Variants in ABHD1 observed in about 807,000 individuals in gnomAD.
The protein encoded by ABHD1 is abhydrolase domain containing 1, also known as protein ABHD1.
In ABHD1, 47 loss-of-function variants were observed where a neutral mutation model predicts 41.4. The ratio of observed to expected loss-of-function variants is 1.13; its 90% CI spans 0.90 to 1.45. The LOEUF is 1.45. ABHD1 is among the 40% of genes most tolerant of loss of function. ABHD1 has a pLI of 0.00. For missense variants in ABHD1, 550 were observed against 503.4 expected (o/e 1.09, Z -0.89); for synonymous variants, 205 against 203.7 (o/e 1.01, Z -0.05).
chr2:27,124,351 C>T (rs1239997064), intron 1 of ABHD1: 3 of 477,790 alleles, frequency 6.3e-6, no homozygotes, highest in East Asian at 5.0e-5. Flanking sequence ...GATGTGCACA[C>T]TTTGCGTTCC....
intron 1 of ABHD1, chr2:27,124,729 G>A (rs141034899): frequency 1.8e-5 from 3 of 171,122 alleles, no homozygotes; most frequent in East Asian, 1.8e-4. Flanking sequence ...AGGTAGCTGA[G>A]TCTAACAAGA....
At chr2:27,128,659 T>A in intron 2 of ABHD1, 58 bp downstream of exon 2, 1 of 1,595,094 alleles carries the variant, frequency 6.3e-7, no homozygotes, top group Non-Finnish European at 8.6e-7. Context: ...GAAAAACCTA[T>A]CTACCACTTT....
At chr2:27,127,689 G>GT (rs1288126136) in intron 1 of ABHD1, among the ~76,000 whole-genome samples, 1 of 151,542 alleles carries the variant, frequency 6.6e-6, no homozygotes, top group African/African-American at 2.4e-5. Context: ...AGCCTCCCGA[G>GT]TAACTGAGAC....
chr2:27,124,971 TC>T (rs1369573333), intron 1 of ABHD1: 1 of 151,988 alleles, frequency 6.6e-6, no homozygotes, highest in Non-Finnish European at 1.5e-5. Context: ...AGAAACCCCA[TC>T]TCTACTAAAA....
chr2:27,129,080 G>T lies in ABHD1; in HGVS notation c.411G>T (p.Glu137Asp), dbSNP rs6715286. Reference protein sequence around the residue: ...LLPGITGSSQETYVLHLVNQA... With the variant: ...LLPGITGSSQDTYVLHLVNQA... ...CTGGCATCACTGGCAGTAGCCAGGA[G>T]ACATACGTCTTGCACCTAGTTAACC... Residue 137 changes from glutamate to aspartate, a missense_variant, in exon 3 of 9, where the codon GAG becomes GAT. Glu to Asp is a conservative substitution (Grantham distance 45). Coordinates refer to ENST00000316470, the MANE Select transcript of ABHD1 (RefSeq NM_032604.4). The T allele has an allele frequency of 2.9e-3, 4,745 of 1,613,978 alleles. 121 individuals are homozygous for T. The African/African-American group carries it at 0.054, about 19-fold the overall frequency.
intron 1 of ABHD1, among the ~76,000 whole-genome samples, chr2:27,128,024 C>A (rs566059790): frequency 1.3e-5 from 2 of 152,280 alleles, no homozygotes; most frequent in Admixed American, 1.3e-4. Flanking sequence ...TCATAGCTCA[C>A]TGCAGCCTTG....
intron 1 of ABHD1, chr2:27,126,945 CAAAA>C (rs35167727): frequency 2.2e-5 from 3 of 133,340 alleles, no homozygotes; most frequent in African/African-American, 2.9e-5. Flanking sequence ...ACTAAAAATA[CAAAA>C]AAAAAAAAAA....
chr2:27,129,728 TCATG>T (rs1672144997), intron 5 of ABHD1, 22 bp from the exon 6 acceptor site: 1 of 1,612,958 alleles, frequency 6.2e-7, no homozygotes, highest in Admixed American at 1.7e-5. Flanking sequence ...AACCCTTCTT[TCATG>T]GTCCCTTGTC....
In ABHD1 at chr2:27,129,097, T is replaced by C. The variant is rs1210980768; in HGVS notation, c.428T>C (p.Leu143Pro). 6.2e-7 allele frequency: 1 copy of C among 1,613,680 alleles called. No homozygotes were observed. The highest frequency in any genetic ancestry group is 1.3e-5 in the African/African-American group (1 of 75,050). ...AGCCAGGAGACATACGTCTTGCACC[T>C]AGTTAACCAAGCTCTGAGGGATGGC... ...GSSQETYVLH[L>P]VNQALRDGYQ... Residue 143 changes from leucine to proline, a missense_variant, in exon 3 of 9, where the codon CTA (leucine) becomes CCA (proline). By Grantham distance (98) the Leu-to-Pro change is moderately conservative. Coordinates refer to ENST00000316470, the MANE Select transcript of ABHD1 (RefSeq NM_032604.4).
At position 27,123,885 on chromosome 2, in the gene ABHD1, G is replaced by A. The variant is rs745637487; in HGVS notation, c.-64G>A. Reference sequence around the variant, plus strand: ...CCTATGGCGGGCGGCGGGTGGGACCGCGAGTTACAGCCGGCCAACTGGGGC... The same window carrying A: ...CCTATGGCGGGCGGCGGGTGGGACCACGAGTTACAGCCGGCCAACTGGGGC... On this transcript the variant is annotated 5_prime_UTR_variant, in exon 1 of 9. Transcript: ENST00000316470. 5.7e-6 allele frequency: 8 copies of A among 1,395,902 alleles called. No homozygotes were observed. Among genetic ancestry groups the A allele is most frequent in the Non-Finnish European group, 7.9e-6 (8 of 1,010,892 alleles). 86.5% of individuals were successfully genotyped at this position (1,395,902 alleles called of 1,614,324 possible). A position where few individuals can be genotyped will look rare whatever the true frequency, so the allele number is the denominator to read the frequency against.
intron 5 of ABHD1, 21 bp downstream of exon 5, chr2:27,129,647 G>A: frequency 6.2e-7 from 1 of 1,610,542 alleles, no homozygotes; most frequent in South Asian, 1.1e-5. Flanking sequence ...CCTGGGCTTA[G>A]CCCAGAGGCC....
At chr2:27,129,240 CAG>C (rs1672110389) in intron 3 of ABHD1, 74 bp from the exon 4 acceptor site, 1 of 1,602,444 alleles carries the variant, frequency 6.2e-7, no homozygotes, top group Admixed American at 1.7e-5. Flanking sequence ...AGTCTTTGGA[CAG>C]GGGTCTTTCT....
chr2:27,130,627 G>A lies in ABHD1; in HGVS notation c.1101G>A (p.Pro367=), dbSNP rs774099884. The A allele has an allele frequency of 1.5e-5, 25 of 1,614,030 alleles. No individual in the cohort carries two copies. The highest frequency in any genetic ancestry group is 5.0e-5 in the Admixed American group (3 of 59,998). Residue 367 remains proline, a synonymous_variant, in exon 9 of 9, where the codon CCG becomes CCA. Transcript: ENST00000316470. The part of the protein sequence containing the change: ...GHIGFLEGLL[P]WQHWYMSRLL... Reference sequence around the variant, plus strand: ...TCGGCTTCCTGGAAGGGCTGCTCCCGTGGCAGCACTGGTACATGAGCCGCC... The same window carrying A: ...TCGGCTTCCTGGAAGGGCTGCTCCCATGGCAGCACTGGTACATGAGCCGCC...
At position 27,123,893 on chromosome 2, in the gene ABHD1, C is replaced by A; in HGVS notation, c.-56C>A. ...GGGCGGCGGGTGGGACCGCGAGTTA[C>A]AGCCGGCCAACTGGGGCCAGCCAGG... On this transcript the variant is annotated 5_prime_UTR_variant, in exon 1 of 9. Transcript: ENST00000316470. 6.7e-7 allele frequency: 1 copy of A among 1,492,656 alleles called. No homozygotes were observed. 92.5% of individuals were successfully genotyped at this position (1,492,656 alleles called of 1,614,324 possible).
chr2:27,125,766 T>C (rs1347933179), intron 1 of ABHD1: 4 of 151,928 alleles, frequency 2.6e-5, no homozygotes, highest in Non-Finnish European at 5.9e-5. Context: ...TTGGGTGTGG[T>C]GACGCAAGCC....
chr2:27,128,297 T>A, intron 1 of ABHD1, 144 bp from the exon 2 acceptor site: 2 of 961,388 alleles, frequency 2.1e-6, no homozygotes, highest in Non-Finnish European at 1.6e-6. Context: ...TCAACTGAGC[T>A]GTGCTGAGTA....
intron 1 of ABHD1, chr2:27,124,271 G>A (rs1270994776): frequency 1.5e-6 from 1 of 668,928 alleles, no homozygotes; most frequent in East Asian, 2.9e-5. Context: ...GGTACCGGAG[G>A]GTGCTGCTCC....
In ABHD1 at chr2:27,130,754, C is replaced by T; in HGVS notation, c.*10C>T. On this transcript the variant is annotated 3_prime_UTR_variant, in exon 9 of 9. Transcript: ENST00000316470. ...GGACAGAAACAGCTGACAAGAGTACCATTTGGGGTCTCAGTTCACTCTTTC... is the reference window on the plus strand; with the variant it reads ...GGACAGAAACAGCTGACAAGAGTACTATTTGGGGTCTCAGTTCACTCTTTC... 1 of 1,611,326 alleles carries T rather than the reference C, an allele frequency of 6.2e-7. No homozygotes were observed.
At chr2:27,129,151 G>A (rs773742817) in intron 3 of ABHD1, 24 bp downstream of exon 3, 3 of 1,606,684 alleles carry the variant, frequency 1.9e-6, no homozygotes, top group East Asian at 2.2e-5. Flanking sequence ...CAGCCCCAGA[G>A]TGGGGTGGCA....
Sources: gnomAD v4.1 joint callset for allele counts (sites outside exome capture counted in the v4.1 genomes callset) on GRCh38, gnomAD v4.1.1 for gene constraint, MANE v1.5 for transcripts, NCBI Gene and HGNC (gene_info 2026-07-23, HGNC 2026-07-21) for gene names.